HMCN2: variants seen among roughly 807,000 people sequenced by gnomAD.
The protein encoded by HMCN2 is hemicentin 2.
Under a neutral mutation model 377.5 loss-of-function variants are expected in HMCN2, and 325 were observed. The ratio of observed to expected loss-of-function variants is 0.86; its 90% CI spans 0.79 to 0.94. HMCN2 has a LOEUF of 0.94. Among genes scored for constraint, HMCN2 ranks in the 40% least tolerant of loss-of-function variants. HMCN2 has a pLI of 0.00. For synonymous variants in HMCN2, 2,007 were observed against 2,046.8 expected (o/e 0.98, Z 0.53); for missense variants, 4,543 against 4,725.3 (o/e 0.96, Z 1.13).
At chr9:130,368,594 T>C (rs1268371563) in intron 44 of HMCN2, among the ~76,000 whole-genome samples, 157 bp downstream of exon 44, 1 of 152,084 alleles carries the variant, frequency 6.6e-6, no homozygotes, top group African/African-American at 2.4e-5. Flanking sequence ...CTCACACTGC[T>C]CTAAAGACAC....
chr9:130,377,553 T>C, intron 52 of HMCN2, 96 bp from the exon 53 acceptor site: 1 of 669,884 alleles, frequency 1.5e-6, no homozygotes, highest in Non-Finnish European at 1.8e-6. Context: ...TGCTGCATTT[T>C]TGGAGAATGT....
chr9:130,401,188 A>T (rs1302374753), intron 77 of HMCN2, among the ~76,000 whole-genome samples: 1 of 152,174 alleles, frequency 6.6e-6, no homozygotes, highest in Non-Finnish European at 1.5e-5. Context: ...GTGCTATTTC[A>T]TGGCAAAATA....
chr9:130,349,766 G>A lies in HMCN2; in HGVS notation c.4430+103G>A, dbSNP rs915742098. On this transcript the variant is annotated intron_variant, in intron 29 of 97. Transcript: ENST00000683500. ...TGAACTCTTCTTGGGGAGCTGACAG[G>A]CATGGCATGTGCCACCCAGGGCCCA... 5 of 1,145,098 alleles carry A rather than the reference G, an allele frequency of 4.4e-6. No individual in the cohort carries two copies. The Admixed American group carries it at 1.4e-4, about 32-fold the overall frequency. The allele number at this position is 1,145,098 out of a possible 1,614,324, so 70.9% of individuals were successfully genotyped here.
chr9:130,315,572 A>G (rs1386386739), intron 15 of HMCN2, among the ~76,000 whole-genome samples: 4 of 150,894 alleles, frequency 2.7e-5, no homozygotes, highest in Admixed American at 2.6e-4. Context: ...CTGGTAGGGC[A>G]TCTGAGCCTT....
At chr9:130,301,742 TC>T (rs1836527339) in intron 8 of HMCN2, among the ~76,000 whole-genome samples, 1 of 152,204 alleles carries the variant, frequency 6.6e-6, no homozygotes, top group Non-Finnish European at 1.5e-5. Flanking sequence ...ATTGTCTCAT[TC>T]CCGGAGCATC....
At chr9:130,409,263 G>C (rs907815782) in intron 84 of HMCN2, among the ~76,000 whole-genome samples, 1 of 152,216 alleles carries the variant, frequency 6.6e-6, no homozygotes, top group Non-Finnish European at 1.5e-5. Context: ...ACAACCTCAG[G>C]GGGTAGGGTA....
Position 130,429,461 on chromosome 9 carries a change from G to A in HMCN2, c.14198-96G>A, listed in dbSNP as rs983314081. On this transcript the variant is annotated intron_variant, in intron 93 of 97. Transcript: ENST00000683500. ...GGCACTGAAACTGGAGAAGGGGACA[G>A]GGAGGAGGCCCAGATATGGAGGGGG... is the stretch of plus-strand genomic sequence containing the variant. The A allele has an allele frequency of 6.8e-6, 10 of 1,465,284 alleles. No individual in the cohort carries two copies. The African/African-American group carries it at 1.4e-4, about 21-fold the overall frequency. The allele number at this position is 1,465,284 out of a possible 1,614,324, so 90.8% of individuals were successfully genotyped here.
rs1842343473 is a variant in HMCN2 at position 130,392,016 on chromosome 9, C to T, written c.10034C>T (p.Pro3345Leu). ...GGGGAGCTGGTGACCATGGTGTGCC[C>T]TGTGCGGGGCTCCCCGCCCATCCAC... is the stretch of plus-strand genomic sequence containing the variant. ...RPGELVTMVC[P>L]VRGSPPIHVS... is the part of the protein sequence containing the mutation. The change falls in exon 66 of 98, where the codon CCT (proline) becomes CTT (leucine). Residue 3345 changes from proline (P) to leucine (L), a missense_variant. Around this residue, in one of 5 missense-constraint regions of HMCN2, gnomAD observed 1,073 missense variants for 1,319.5 expected, o/e 0.81. Transcript: ENST00000683500. The T allele has an allele frequency of 2.0e-6, 2 of 988,284 alleles. No individual in the cohort carries two copies. Among genetic ancestry groups the T allele is most frequent in the Non-Finnish European group, 2.4e-6 (2 of 830,312 alleles). The allele number at this position is 988,284 out of a possible 1,614,324, so 61.2% of individuals were successfully genotyped here.
chr9:130,354,545 A>G (rs1839916052), intron 31 of HMCN2, among the ~76,000 whole-genome samples: 1 of 152,174 alleles, frequency 6.6e-6, no homozygotes, highest in Non-Finnish European at 1.5e-5. Flanking sequence ...GAGAGGCAAC[A>G]GTCAGCACCC....
Position 130,354,846 on chromosome 9 carries a change from G to A in HMCN2, c.4948G>A (p.Ala1650Thr), listed in dbSNP as rs1045345553. The A allele has an allele frequency of 7.7e-7, 1 of 1,304,158 alleles. No homozygotes were observed. Among genetic ancestry groups the A allele is most frequent in the African/African-American group, 1.5e-5 (1 of 65,882 alleles). 80.8% of individuals were successfully genotyped at this position (1,304,158 alleles called of 1,614,324 possible). ...GAGGCCTGTGGCGCTGGAGTGCGTG[G>A]CCAGAGGCCACCCGTCCCCCACCCT... ...AGRPVALECV[A>T]RGHPSPTLSW... The change falls in exon 32 of 98, where the codon GCC (alanine) becomes ACC (threonine). Residue 1650 changes from alanine to threonine, a missense_variant. Coordinates refer to ENST00000683500, the MANE Select transcript of HMCN2 (RefSeq NM_001291815.2).
intron 62 of HMCN2, 129 bp downstream of exon 62, chr9:130,388,669 G>T: frequency 4.9e-6 from 2 of 411,438 alleles, no homozygotes; most frequent in Non-Finnish European, 5.9e-6. Context: ...GCAGTGCCGT[G>T]TTGCCCCCCC....
rs1017406376 is a variant in HMCN2 at position 130,379,397 on chromosome 9, A to AC, written c.8366dup (p.Asp2790GlyfsTer16). ...TGTACTGCGACACCAACGCGATCCC[A>AC]CCCCCGGACCTCACCTGGTACAGAG... is the stretch of plus-strand genomic sequence containing the variant. On this transcript the variant is annotated frameshift_variant, in exon 54 of 98. Transcript: ENST00000683500. LOFTEE classifies it high-confidence loss of function. The AC allele has an allele frequency of 3.0e-6, 3 of 985,434 alleles. No homozygotes were observed. Among genetic ancestry groups the AC allele is most frequent in the South Asian group, 4.7e-5 (1 of 21,276 alleles). 61.0% of individuals were successfully genotyped at this position (985,434 alleles called of 1,614,324 possible).
chr9:130,337,100 A>G (rs919503400), intron 22 of HMCN2, among the ~76,000 whole-genome samples: 2 of 151,988 alleles, frequency 1.3e-5, no homozygotes, highest in Non-Finnish European at 2.9e-5. Flanking sequence ...TCCCTATTTT[A>G]TGGAGGCAGG....
rs1169539592 is a variant in HMCN2 at position 130,304,331 on chromosome 9, T to C, written c.1544-399T>C. Among the ~76,000 whole-genome samples the C allele has an allele frequency of 6.6e-6, 1 of 152,248 alleles. No individual in the cohort carries two copies. The highest frequency in any genetic ancestry group is 1.5e-5 in the Non-Finnish European group (1 of 68,044). ...CATATTTGGCTGCTATAAATAGCCC[T>C]GCTGTTGGTACAGAGAATCGTTTTG... On this transcript the variant is annotated intron_variant, in intron 10 of 97. Transcript: ENST00000683500. The surrounding 1 kb of genome is among the most constrained non-coding windows in gnomAD (Gnocchi z 4.3).
At position 130,286,295 on chromosome 9, in the gene HMCN2, G is replaced by T. The variant is rs1554927696; in HGVS notation, c.597G>T (p.Lys199Asn). 1 of 471,082 alleles carries T rather than the reference G, an allele frequency of 2.1e-6. No homozygotes were observed. Among genetic ancestry groups the T allele is most frequent in the African/African-American group, 2.0e-5 (1 of 50,218 alleles). The allele number at this position is 471,082 out of a possible 1,614,324, so 29.2% of individuals were successfully genotyped here. The change falls in exon 4 of 98, where the codon AAG (lysine) becomes AAT (asparagine). Residue 199 changes from lysine (K) to asparagine (N), a missense_variant. Lys to Asn is a moderately conservative substitution (Grantham distance 94, BLOSUM62 0). Coordinates refer to ENST00000683500, the MANE Select transcript of HMCN2 (RefSeq NM_001291815.2). ...TSSGQVFHLD[K>N]QQVTEVLKWV... ...CTGGGCAGGTGTTCCACCTGGACAAGCAGCAAGTGACAGAGGTGAGCACTG... is the reference window on the plus strand; with the variant it reads ...CTGGGCAGGTGTTCCACCTGGACAATCAGCAAGTGACAGAGGTGAGCACTG...
chr9:130,409,422 C>T (rs1843294725), intron 84 of HMCN2, among the ~76,000 whole-genome samples: 1 of 152,204 alleles, frequency 6.6e-6, no homozygotes, highest in African/African-American at 2.4e-5. Context: ...CTGGGGCAGC[C>T]CCTCTCAACT....
At chr9:130,412,128 C>T (rs1588421437) in intron 85 of HMCN2, among the ~76,000 whole-genome samples, 5 of 152,288 alleles carry the variant, frequency 3.3e-5, no homozygotes, top group East Asian at 1.9e-4. Context: ...CACGCCACCA[C>T]ACCCGGCTAA....
chr9:130,266,193 C>T, intron 1 of HMCN2, 56 bp downstream of exon 1: 1 of 405,232 alleles, frequency 2.5e-6, no homozygotes, highest in Non-Finnish European at 4.8e-6. Flanking sequence ...CTCTCACCTG[C>T]CTGACCCCCT....
intron 43 of HMCN2, among the ~76,000 whole-genome samples, chr9:130,367,848 A>G (rs143682642): frequency 0.011 from 1,663 of 149,372 alleles, 29 homozygotes; most frequent in African/African-American, 0.038. Context: ...ATGCTGAGGC[A>G]TGAGAATCAC....
Sources: allele counts gnomAD v4.1 joint callset (sites outside exome capture counted in the v4.1 genomes callset), GRCh38; gene constraint gnomAD v4.1.1; regional missense constraint gnomAD v4.1.1; non-coding constraint Gnocchi (gnomAD v3.1); transcripts MANE v1.5; gene names NCBI Gene and HGNC (gene_info 2026-07-23, HGNC 2026-07-21).